AFAP1L1: variants seen among roughly 807,000 people sequenced by gnomAD.
AFAP1L1 encodes actin filament associated protein 1 like 1.
Under a neutral mutation model 99.8 loss-of-function variants are expected in AFAP1L1, and 77 were observed. That is an observed-to-expected ratio of 0.77 (90% confidence interval 0.64 to 0.93). The LOEUF is 0.93. AFAP1L1 is among the 40% of genes least tolerant of loss of function. The probability of loss-of-function intolerance (pLI) is 0.00; values close to 1 mark genes in which losing one functional copy is unlikely to be tolerated. For synonymous variants in AFAP1L1, 373 were observed against 395.3 expected (o/e 0.94, Z 0.67); for missense variants, 893 against 996.8 (o/e 0.90, Z 1.40).
At chr5:149,317,634 C>G (rs1304133522) in intron 11 of AFAP1L1, 95 bp from the exon 12 acceptor site, 1 of 1,327,274 alleles carries the variant, frequency 7.5e-7, no homozygotes, top group African/African-American at 1.5e-5. Context: ...ACCAGGACCC[C>G]GAGGCCTTCT....
At chr5:149,281,315 C>G (rs1755513408) in intron 1 of AFAP1L1, among the ~76,000 whole-genome samples, 1 of 152,146 alleles carries the variant, frequency 6.6e-6, no homozygotes, top group African/African-American at 2.4e-5. Context: ...AGACATTCTC[C>G]CCATTGGACA....
chr5:149,332,546 G>A (rs1227721061), intron 16 of AFAP1L1, 149 bp from the exon 17 acceptor site: 5 of 755,308 alleles, frequency 6.6e-6, no homozygotes, highest in South Asian at 1.9e-5. Flanking sequence ...GTATGGAGCT[G>A]GAACCCCAAA....
At chr5:149,310,201 G>A in intron 8 of AFAP1L1, 66 bp downstream of exon 8, 16 of 1,480,904 alleles carry the variant, frequency 1.1e-5, no homozygotes, top group Non-Finnish European at 1.4e-5. Context: ...CCAGCCCTCA[G>A]TAGAGCTGGC....
chr5:149,291,324 C>T (rs575069405), intron 1 of AFAP1L1, among the ~76,000 whole-genome samples: 4 of 151,742 alleles, frequency 2.6e-5, no homozygotes, highest in Admixed American at 1.3e-4. Flanking sequence ...GTCAACAGAC[C>T]GACACCATCC....
chr5:149,314,268 C>G (rs913474234), intron 9 of AFAP1L1, among the ~76,000 whole-genome samples: 10 of 152,172 alleles, frequency 6.6e-5, no homozygotes, highest in Non-Finnish European at 8.8e-5. Flanking sequence ...GCAGCGTTGA[C>G]AGTGTCAGTG....
At chr5:149,299,111 G>C (rs1197905033) in intron 1 of AFAP1L1, among the ~76,000 whole-genome samples, 3 of 152,220 alleles carry the variant, frequency 2.0e-5, no homozygotes. Context: ...AGGGGCTCCA[G>C]CCTGAGACCT....
At chr5:149,332,621 G>A (rs953653599) in intron 16 of AFAP1L1, 74 bp from the exon 17 acceptor site, 8 of 1,515,902 alleles carry the variant, frequency 5.3e-6, no homozygotes, top group Non-Finnish European at 7.1e-6. Flanking sequence ...GCAGACAAAG[G>A]CCTGAGGCCC....
intron 1 of AFAP1L1, among the ~76,000 whole-genome samples, chr5:149,293,506 G>T (rs1429136697): frequency 6.6e-6 from 1 of 152,162 alleles, no homozygotes; most frequent in East Asian, 1.9e-4. Flanking sequence ...CTTGCTACAT[G>T]TTTAATATAA....
Position 149,335,597 on chromosome 5 carries a change from A to T in AFAP1L1, c.2158A>T (p.Thr720Ser), listed in dbSNP as rs769596666. 5.0e-6 allele frequency: 8 copies of T among 1,612,086 alleles called. No homozygotes were observed. The African/African-American group carries it at 9.3e-5, about 19-fold the overall frequency. The change falls in exon 18 of 19, where the codon ACT becomes TCT. Residue 720 changes from threonine (T) to serine (S), a missense_variant. Physicochemically the swap from Thr to Ser is moderately conservative, Grantham distance 58. Coordinates refer to ENST00000296721, the MANE Select transcript of AFAP1L1 (RefSeq NM_152406.4). ...SVSSKPKSGE[T>S]ANKPQNSVPE... ...AATTATTTATTGCCATCAACAGGAA[A>T]CTGCAAATAAACCCCAGAACAGCGT...
At chr5:149,297,998 C>T (rs1170142395) in intron 1 of AFAP1L1, among the ~76,000 whole-genome samples, 3 of 152,206 alleles carry the variant, frequency 2.0e-5, no homozygotes, top group Admixed American at 2.0e-4. Flanking sequence ...CTGTTATTAT[C>T]CTCCGCCTTT....
Position 149,307,595 on chromosome 5 carries a change from C to T in AFAP1L1, c.729C>T (p.Ile243=), listed in dbSNP as rs144791179. 6.2e-7 allele frequency: 1 copy of T among 1,612,362 alleles called. No individual in the cohort carries two copies. Among genetic ancestry groups the T allele is most frequent in the Admixed American group, 1.7e-5 (1 of 59,998 alleles). Residue 243 remains isoleucine, a synonymous_variant, in exon 7 of 19, where the codon ATC becomes ATT. Transcript: ENST00000296721. ...AGTGGGCCAAGCAGCTGACGGTCAT[C>T]AGGGAGGACCAGCTCCTGGTGAGTG... The part of the protein sequence containing the change: ...FGQWAKQLTV[I]REDQLLCYKS...
intron 1 of AFAP1L1, among the ~76,000 whole-genome samples, chr5:149,290,264 G>T (rs1427683845): frequency 1.3e-5 from 2 of 152,184 alleles, no homozygotes; most frequent in Non-Finnish European, 2.9e-5. Context: ...AATAATACAT[G>T]TAAATCACTT....
intron 1 of AFAP1L1, among the ~76,000 whole-genome samples, chr5:149,277,264 T>C (rs17109884): frequency 0.018 from 2,814 of 152,350 alleles, 45 homozygotes; most frequent in Non-Finnish European, 0.028. Flanking sequence ...GGGGAGATCA[T>C]GTTGTCTACT....
At chr5:149,337,624 T>C (rs1279081475) in intron 18 of AFAP1L1, among the ~76,000 whole-genome samples, 1 of 152,172 alleles carries the variant, frequency 6.6e-6, no homozygotes, top group South Asian at 2.1e-4. Flanking sequence ...GTTTAAGTGG[T>C]AGATAAACCA....
In AFAP1L1 at chr5:149,299,629, C is replaced by G; in HGVS notation, c.137C>G (p.Pro46Arg). 1 of 1,614,168 alleles carries G rather than the reference C, an allele frequency of 6.2e-7. No homozygotes were observed. Among genetic ancestry groups the G allele is most frequent in the Non-Finnish European group, 8.5e-7 (1 of 1,180,008 alleles). ...GCCTCCATCCTGCAGAGCCTGCAGC[C>G]CCTTCCAGGTTAGCCGCCAGCAGCC... is the stretch of plus-strand genomic sequence containing the variant. ...AVASILQSLQ[P>R]LPAKEVSYLY... The change falls in exon 2 of 19, where the codon CCC (proline) becomes CGC (arginine). Residue 46 changes from proline (P) to arginine (R), a missense_variant. Physicochemically the swap from Pro to Arg is moderately radical, Grantham distance 103. Coordinates refer to ENST00000296721, the MANE Select transcript of AFAP1L1 (RefSeq NM_152406.4).
At chr5:149,295,487 G>A (rs1239076267) in intron 1 of AFAP1L1, among the ~76,000 whole-genome samples, 3 of 151,554 alleles carry the variant, frequency 2.0e-5, no homozygotes, top group South Asian at 2.1e-4. Flanking sequence ...TTTACTGATA[G>A]CAACAAGAAA....
chr5:149,336,198 C>A (rs188639396), intron 18 of AFAP1L1, among the ~76,000 whole-genome samples: 1 of 152,240 alleles, frequency 6.6e-6, no homozygotes, highest in Non-Finnish European at 1.5e-5. Context: ...TAATATGGTA[C>A]CTACACTAAC....
At chr5:149,315,764 A>T in intron 9 of AFAP1L1, 57 bp from the exon 10 acceptor site, 1 of 1,490,666 alleles carries the variant, frequency 6.7e-7, no homozygotes, top group South Asian at 1.1e-5. Context: ...AATAAAGGGA[A>T]ATTTGGGTAC....
At chr5:149,290,565 A>C (rs1033008873) in intron 1 of AFAP1L1, among the ~76,000 whole-genome samples, 1 of 152,226 alleles carries the variant, frequency 6.6e-6, no homozygotes, top group Non-Finnish European at 1.5e-5. Flanking sequence ...TTAGAATTAA[A>C]ATCCACCAAC....
Sources: gnomAD v4.1 joint callset for allele counts (sites outside exome capture counted in the v4.1 genomes callset) on GRCh38, gnomAD v4.1.1 for gene constraint, MANE v1.5 for transcripts, NCBI Gene and HGNC (gene_info 2026-07-23, HGNC 2026-07-21) for gene names.